Variants in BCAR3 observed in about 807,000 individuals in gnomAD.
The protein encoded by BCAR3 is BCAR3 adaptor protein, NSP family member, also known as breast cancer anti-estrogen resistance protein 3.
Under a neutral mutation model 80.1 loss-of-function variants are expected in BCAR3, and 37 were observed. The ratio of observed to expected loss-of-function variants is 0.46; its 90% CI spans 0.36 to 0.61. The LOEUF (loss-of-function observed/expected upper bound fraction) is 0.61, where lower values mean the gene tolerates loss of function less well. Among genes scored for constraint, BCAR3 ranks in the 20% least tolerant of loss-of-function variants. The pLI is 0.00. For synonymous variants in BCAR3, 389 were observed against 418.9 expected, an observed-to-expected ratio of 0.93 and a Z score of 0.87; for missense variants, 978 against 1,068.2, an observed-to-expected ratio of 0.92 and a Z score of 1.18.
chr1:93,700,572 C>T (rs900151909), intron 3 of BCAR3, among the ~76,000 whole-genome samples: 2 of 152,154 alleles, frequency 1.3e-5, no homozygotes, highest in Non-Finnish European at 2.9e-5. Context: ...ATAGCTTCCA[C>T]CTATAGGTTA....
intron 2 of BCAR3, among the ~76,000 whole-genome samples, chr1:93,841,083 C>G (rs1654944839): frequency 6.6e-6 from 1 of 152,144 alleles, no homozygotes; most frequent in Non-Finnish European, 1.5e-5. Context: ...CTCCCCACCA[C>G]CAGCAGACTA....
At chr1:93,717,719 CAAA>C (rs1230098499) in intron 2 of BCAR3, among the ~76,000 whole-genome samples, 6 of 57,550 alleles carry the variant, frequency 1.0e-4, no homozygotes, top group Non-Finnish European at 1.2e-4. Context: ...GACTCCACCT[CAAA>C]AAAAAAAAAA....
At chr1:93,577,006 T>C (rs574375102) in intron 7 of BCAR3, among the ~76,000 whole-genome samples, 13 of 152,164 alleles carry the variant, frequency 8.5e-5, no homozygotes, top group South Asian at 2.1e-4. Context: ...AATTAAAAAT[T>C]AGCCAGGCAT....
intron 2 of BCAR3, among the ~76,000 whole-genome samples, chr1:93,642,725 C>T (rs1676022570): frequency 6.6e-6 from 1 of 152,168 alleles, no homozygotes; most frequent in Non-Finnish European, 1.5e-5. Flanking sequence ...GGGTTAATCC[C>T]CAGAACGTCC....
intron 2 of BCAR3, among the ~76,000 whole-genome samples, chr1:93,736,939 T>C (rs1650994212): frequency 1.3e-5 from 2 of 152,236 alleles, no homozygotes; most frequent in South Asian, 4.1e-4. Flanking sequence ...AGAATCATCT[T>C]ACGCATGTTG....
intron 1 of BCAR3, among the ~76,000 whole-genome samples, chr1:93,677,793 T>A (rs1033600292): frequency 6.6e-6 from 1 of 152,096 alleles, no homozygotes; most frequent in Non-Finnish European, 1.5e-5. Context: ...CAATTTGGTC[T>A]AAGAGGAGGT....
intron 10 of BCAR3, 27 bp from the exon 11 acceptor site, chr1:93,567,518 A>G (rs1236483779): frequency 5.6e-6 from 9 of 1,607,966 alleles, no homozygotes; most frequent in East Asian, 2.2e-5. Flanking sequence ...AGAGTTTTCC[A>G]TATCACATGT....
At chr1:93,847,656 C>T (rs890407493), upstream of BCAR3, 2 of 152,512 alleles carry the variant, frequency 1.3e-5, no homozygotes, top group East Asian at 1.9e-4. Flanking sequence ...CCGGCGGAGT[C>T]GTAACGCTTT....
At chr1:93,796,582 T>C (rs1458150312) in intron 2 of BCAR3, among the ~76,000 whole-genome samples, 1 of 151,560 alleles carries the variant, frequency 6.6e-6, no homozygotes, top group Non-Finnish European at 1.5e-5. Context: ...ATGAACCCGG[T>C]ACCTCAGATG....
chr1:93,691,559 G>C (rs1330870768), intron 3 of BCAR3, among the ~76,000 whole-genome samples: 1 of 152,182 alleles, frequency 6.6e-6, no homozygotes, highest in Non-Finnish European at 1.5e-5. Flanking sequence ...TTGCCAGTGG[G>C]TGGTGGGAGG....
chr1:93,774,541 A>G (rs1652475657), intron 2 of BCAR3, among the ~76,000 whole-genome samples: 1 of 151,700 alleles, frequency 6.6e-6, no homozygotes, highest in Admixed American at 6.6e-5. Flanking sequence ...CCTAGCCTTG[A>G]TACTTATTGT....
At chr1:93,628,405 C>T (rs1675512641) in intron 3 of BCAR3, among the ~76,000 whole-genome samples, 1 of 152,168 alleles carries the variant, frequency 6.6e-6, no homozygotes, top group Non-Finnish European at 1.5e-5. Flanking sequence ...ACCTGAGATG[C>T]CTCCCATCTC....
At chr1:93,588,884 A>G (rs1391449818) in intron 5 of BCAR3, 93 bp downstream of exon 5, 10 of 1,334,642 alleles carry the variant, frequency 7.5e-6, no homozygotes, top group Non-Finnish European at 1.0e-5. Context: ...AACATCTTTT[A>G]TTTCTTTGTT....
At chr1:93,694,062 G>A (rs1406824911) in intron 3 of BCAR3, among the ~76,000 whole-genome samples, 2 of 152,218 alleles carry the variant, frequency 1.3e-5, no homozygotes, top group Non-Finnish European at 2.9e-5. Flanking sequence ...AAGGTTGCAT[G>A]TCTAAAAAGT....
intron 2 of BCAR3, among the ~76,000 whole-genome samples, chr1:93,799,257 A>G (rs1653393451): frequency 6.6e-6 from 1 of 152,212 alleles, no homozygotes; most frequent in Non-Finnish European, 1.5e-5. Context: ...TGGCTTCCAT[A>G]AACAAAGAAC....
At chr1:93,612,197 C>T (rs914347037) in intron 3 of BCAR3, among the ~76,000 whole-genome samples, 2 of 151,968 alleles carry the variant, frequency 1.3e-5, no homozygotes, top group Non-Finnish European at 2.9e-5. Context: ...GTTGGTAAAC[C>T]CTAAGTTGGG....
chr1:93,637,964 G>A (rs1570994168), intron 3 of BCAR3, among the ~76,000 whole-genome samples: 1 of 152,164 alleles, frequency 6.6e-6, no homozygotes, highest in East Asian at 1.9e-4. Context: ...GAACAAAAGT[G>A]TGGGCTGGGG....
chr1:93,572,011 C>A (rs924945344), intron 8 of BCAR3, among the ~76,000 whole-genome samples, 170 bp from the exon 9 acceptor site: 2 of 152,224 alleles, frequency 1.3e-5, no homozygotes, highest in African/African-American at 4.8e-5. Context: ...CGCCCCTTAG[C>A]AGGCTGACTG....
intron 9 of BCAR3, 158 bp downstream of exon 9, chr1:93,571,508 AAAGT>A: frequency 1.1e-6 from 1 of 903,624 alleles, no homozygotes; most frequent in African/African-American, 1.7e-5. Flanking sequence ...AAGAAAAAAA[AAAGT>A]AGACCCCAAA....
Sources: gnomAD v4.1 joint callset for allele counts (sites outside exome capture counted in the v4.1 genomes callset) on GRCh38, gnomAD v4.1.1 for gene constraint, MANE v1.5 for transcripts, NCBI Gene and HGNC (gene_info 2026-07-23, HGNC 2026-07-21) for gene names.